Variants in LDAH observed in about 807,000 individuals in gnomAD.
LDAH encodes lipid droplet-associated hydrolase.
In LDAH, 26 loss-of-function variants were observed where a neutral mutation model predicts 29.6. The ratio of observed to expected loss-of-function variants is 0.88; its 90% CI spans 0.64 to 1.22. The LOEUF is 1.22. LDAH is among the 50% of genes most tolerant of loss of function. LDAH has a pLI of 0.00. For synonymous variants in LDAH, 117 were observed against 133.0 expected (o/e 0.88, Z 0.83); for missense variants, 344 against 387.3 (o/e 0.89, Z 0.94).
At chr2:20,788,504 T>C (rs1037588910) in intron 3 of LDAH, among the ~76,000 whole-genome samples, 1 of 152,194 alleles carries the variant, frequency 6.6e-6, no homozygotes, top group Non-Finnish European at 1.5e-5. Flanking sequence ...CTTTTGTATG[T>C]TCAACCTTGT....
chr2:20,754,500 C>CAAAA (rs61076745), intron 4 of LDAH, among the ~76,000 whole-genome samples: 7,155 of 77,282 alleles, frequency 0.093, 626 homozygotes, highest in African/African-American at 0.23. Flanking sequence ...ACCCTCGCCA[C>CAAAA]AAAAAAAAAA....
At chr2:20,782,957 G>C (rs1352053128) in intron 3 of LDAH, among the ~76,000 whole-genome samples, 1 of 152,076 alleles carries the variant, frequency 6.6e-6, no homozygotes, top group African/African-American at 2.4e-5. Flanking sequence ...TGCAGTCAAT[G>C]CTATAAATTT....
chr2:20,726,812 C>A (rs141464625), intron 5 of LDAH, among the ~76,000 whole-genome samples: 1 of 152,044 alleles, frequency 6.6e-6, no homozygotes, highest in African/African-American at 2.4e-5. Context: ...ACTGAGTTCA[C>A]CAAAGTGAAA....
chr2:20,692,013 C>T (rs1464631561), intron 6 of LDAH, among the ~76,000 whole-genome samples: 1 of 151,604 alleles, frequency 6.6e-6, no homozygotes, highest in East Asian at 1.9e-4. Flanking sequence ...GTTTTTTTTT[C>T]CCCACTTTTT....
intron 2 of LDAH, among the ~76,000 whole-genome samples, chr2:20,795,617 A>C (rs540343385): frequency 6.6e-6 from 1 of 152,292 alleles, no homozygotes; most frequent in East Asian, 1.9e-4. Context: ...AACTAAATTA[A>C]AAGTTCTTCA....
intron 4 of LDAH, among the ~76,000 whole-genome samples, chr2:20,747,960 T>C (rs1342305516): frequency 2.6e-5 from 4 of 152,180 alleles, no homozygotes. Context: ...ATATATACTA[T>C]ATATTTACGT....
intron 1 of LDAH, among the ~76,000 whole-genome samples, chr2:20,815,674 G>C (rs1672798668): frequency 6.6e-6 from 1 of 151,944 alleles, no homozygotes; most frequent in South Asian, 2.1e-4. Context: ...ATTCCATATA[G>C]GACAAAACCA....
At chr2:20,715,389 TAAG>T (rs777144830) in intron 5 of LDAH, among the ~76,000 whole-genome samples, 10 of 152,132 alleles carry the variant, frequency 6.6e-5, no homozygotes, top group African/African-American at 1.9e-4. Flanking sequence ...CTGAAAATAA[TAAG>T]AACTACTTAT....
chr2:20,816,024 A>C (rs1672826665), intron 1 of LDAH, among the ~76,000 whole-genome samples: 1 of 152,128 alleles, frequency 6.6e-6, no homozygotes, highest in South Asian at 2.1e-4. Flanking sequence ...CATGGAAGAA[A>C]GGTCTCTAAA....
rs1345861593 is a variant in LDAH, at chr2:20,790,394, G to T, written c.159C>A (p.Asn53Lys). 6.8e-6 allele frequency: 11 copies of T among 1,612,198 alleles called. No individual in the cohort carries two copies. Among genetic ancestry groups the T allele is most frequent in the African/African-American group, 2.7e-5 (2 of 74,726 alleles). Residue 53 changes from asparagine (N) to lysine (K), a missense_variant, in exon 3 of 7, where the codon AAC (asparagine) becomes AAA (lysine). Coordinates refer to ENST00000237822, the MANE Select transcript of LDAH (RefSeq NM_021925.4). The part of the protein sequence containing the change: ...PKLLIFIIPG[N>K]PGFSAFYVPF... ...GCACATAAAAGGCAGAAAAACCTGG[G>T]TTACCTAAGAAAAGAAACACAGACC...
At chr2:20,752,642 T>C (rs1668045853) in intron 4 of LDAH, among the ~76,000 whole-genome samples, 1 of 152,218 alleles carries the variant, frequency 6.6e-6, no homozygotes, top group Non-Finnish European at 1.5e-5. Context: ...AATGGCAATG[T>C]AGTAGTTTCC....
At chr2:20,764,899 A>G (rs1162936768) in intron 4 of LDAH, among the ~76,000 whole-genome samples, 1 of 152,238 alleles carries the variant, frequency 6.6e-6, no homozygotes, top group Non-Finnish European at 1.5e-5. Context: ...GGGAAAAATC[A>G]GATTGTTAAA....
intron 5 of LDAH, among the ~76,000 whole-genome samples, chr2:20,738,444 G>GAGCT (rs200978046): frequency 0.014 from 2,058 of 151,952 alleles, 22 homozygotes; most frequent in Non-Finnish European, 0.021. Context: ...GTCTATGGAG[G>GAGCT]AGCTGTTCTT....
intron 3 of LDAH, chr2:20,788,854 TTTAAG>T (rs1282890085): frequency 4.4e-5 from 14 of 317,852 alleles, no homozygotes; most frequent in East Asian, 1.7e-4. Context: ...TAAACTTATA[TTTAAG>T]TTATTTTTTC....
In LDAH at chr2:20,789,410, C is replaced by G. The variant is rs1184775688; in HGVS notation, c.298+845G>C. 5 of 1,448,990 alleles carry G rather than the reference C, an allele frequency of 3.5e-6. No homozygotes were observed. The African/African-American group carries it at 7.2e-5, about 21-fold the overall frequency. 89.8% of individuals were successfully genotyped at this position (1,448,990 alleles called of 1,614,324 possible). A position where few individuals can be genotyped will look rare whatever the true frequency, so the allele number is the denominator to read the frequency against. On this transcript the variant is annotated intron_variant, in intron 3 of 6. Coordinates refer to ENST00000237822, the MANE Select transcript of LDAH (RefSeq NM_021925.4). ...GTGCAGACTGGACTGGACGTCCAGTCTCAAGAAACTATGAGAAATCAATTT... is the reference window on the plus strand; with the variant it reads ...GTGCAGACTGGACTGGACGTCCAGTGTCAAGAAACTATGAGAAATCAATTT...
chr2:20,808,494 T>G (rs1014384990), intron 1 of LDAH, among the ~76,000 whole-genome samples: 2 of 151,746 alleles, frequency 1.3e-5, no homozygotes, highest in African/African-American at 4.8e-5. Flanking sequence ...AAACCCCATC[T>G]CCACTAAGAA....
chr2:20,699,609 A>C (rs1663766575), intron 6 of LDAH, among the ~76,000 whole-genome samples: 1 of 152,212 alleles, frequency 6.6e-6, no homozygotes. Context: ...GTAGTTTTGC[A>C]TGATTAAATG....
chr2:20,789,863 C>T (rs1333444905), intron 3 of LDAH, among the ~76,000 whole-genome samples: 1 of 152,130 alleles, frequency 6.6e-6, no homozygotes, highest in Non-Finnish European at 1.5e-5. Context: ...AGTTTCATCC[C>T]GAAACCATCC....
At chr2:20,756,402 A>C (rs584996) in intron 4 of LDAH, among the ~76,000 whole-genome samples, 54,307 of 151,910 alleles carry the variant, frequency 0.36, 11,056 homozygotes, top group Middle Eastern at 0.61. Flanking sequence ...AGCTTCACTT[A>C]CAAGAGACAG....
Sources: gnomAD v4.1 joint callset for allele counts (sites outside exome capture counted in the v4.1 genomes callset) on GRCh38, gnomAD v4.1.1 for gene constraint, MANE v1.5 for transcripts, NCBI Gene and HGNC (gene_info 2026-07-23, HGNC 2026-07-21) for gene names.